CHODL: variants seen among roughly 807,000 people sequenced by gnomAD.
CHODL encodes transmembrane protein MT75.
CHODL carries 29 observed loss-of-function variants against 34.5 expected under a neutral mutation model. The ratio of observed to expected loss-of-function variants is 0.84; its 90% CI spans 0.63 to 1.15. The LOEUF (loss-of-function observed/expected upper bound fraction) is 1.15, where lower values mean the gene tolerates loss of function less well. CHODL is among the 50% of genes most tolerant of loss of function. CHODL has a pLI of 0.00. For synonymous variants in CHODL, 125 were observed against 116.1 expected, an observed-to-expected ratio of 1.08 and a Z score of -0.49; for missense variants, 332 against 332.5, an observed-to-expected ratio of 1.00 and a Z score of 0.01.
chr21:18,264,470 C>T (rs1176678897), intron 5 of CHODL, among the ~76,000 whole-genome samples: 1 of 151,680 alleles, frequency 6.6e-6, no homozygotes, highest in African/African-American at 2.4e-5. Flanking sequence ...GGCGTGGTGG[C>T]GGGCGCCGAT....
intron 1 of CHODL, among the ~76,000 whole-genome samples, chr21:18,025,069 G>A (rs1204397810): frequency 1.3e-5 from 2 of 152,074 alleles, no homozygotes; most frequent in African/African-American, 4.8e-5. Flanking sequence ...ACAGAAAAAA[G>A]TGATTCTCAG....
At chr21:18,036,544 G>C (rs952508356) in intron 2 of CHODL, among the ~76,000 whole-genome samples, 2 of 152,024 alleles carry the variant, frequency 1.3e-5, no homozygotes, top group Non-Finnish European at 2.9e-5. Flanking sequence ...CTGTGGCCTG[G>C]AAACTCTGCC....
At chr21:18,179,959 G>C (rs1372360875) in intron 2 of CHODL, among the ~76,000 whole-genome samples, 1 of 151,968 alleles carries the variant, frequency 6.6e-6, no homozygotes, top group Non-Finnish European at 1.5e-5. Flanking sequence ...TAAGGGTATG[G>C]GCTCTAGTGA....
At chr21:17,950,099 C>T (rs1349552727) in intron 1 of CHODL, among the ~76,000 whole-genome samples, 1 of 151,958 alleles carries the variant, frequency 6.6e-6, no homozygotes, top group Non-Finnish European at 1.5e-5. Context: ...CTGTCTTTGC[C>T]ACAATAATTT....
intron 1 of CHODL, among the ~76,000 whole-genome samples, chr21:17,935,578 A>T (rs2063312672): frequency 6.6e-6 from 1 of 152,234 alleles, no homozygotes; most frequent in Non-Finnish European, 1.5e-5. Context: ...TAAGTGACAA[A>T]TGTCAAGAAT....
At chr21:18,259,222 C>G (rs1290919363) in intron 3 of CHODL, among the ~76,000 whole-genome samples, 1 of 151,908 alleles carries the variant, frequency 6.6e-6, no homozygotes, top group Non-Finnish European at 1.5e-5. Context: ...ACTTTTGGAA[C>G]AAATGGAAAC....
intron 1 of CHODL, among the ~76,000 whole-genome samples, chr21:17,950,118 A>C (rs1329104231): frequency 6.6e-6 from 1 of 152,170 alleles, no homozygotes; most frequent in Non-Finnish European, 1.5e-5. Flanking sequence ...TTTAAACAAC[A>C]ATATTGAACT....
intron 1 of CHODL, among the ~76,000 whole-genome samples, chr21:17,941,168 G>A (rs903774677): frequency 1.3e-5 from 2 of 151,888 alleles, no homozygotes; most frequent in African/African-American, 2.4e-5. Flanking sequence ...GTAAAATATG[G>A]CCATGCCAAG....
intron 5 of CHODL, among the ~76,000 whole-genome samples, chr21:18,265,310 C>CATATATATAT (rs149734647): frequency 2.2e-4 from 33 of 147,210 alleles, no homozygotes; most frequent in African/African-American, 7.6e-4. Context: ...CACACACACA[C>CATATATATAT]ATATATATAT....
chr21:18,231,750 A>G lies in CHODL; in HGVS notation c.-44-24759A>G, dbSNP rs988967672. On this transcript the variant is annotated intron_variant, in intron 2 of 6. Coordinates refer to the CHODL transcript ENST00000400127. ...CCGTCTGTTTGCTCCTCAGGCCTTA[A>G]CCAAAGGGCCTGGTTAGGTGTTCTG... Among the ~76,000 whole-genome samples the G allele has an allele frequency of 2.6e-5, 4 of 151,266 alleles. No homozygotes were observed. In the South Asian group the frequency reaches 8.3e-4, roughly 32 times the overall value.
rs1201808895 is a variant in CHODL at position 18,266,666 on chromosome 21, A to C, written c.*628A>C. 6.5e-6 allele frequency: 1 copy of C among 153,308 alleles called. No homozygotes were observed. The highest frequency in any genetic ancestry group is 2.4e-5 in the African/African-American group (1 of 41,470). 9.5% of individuals were successfully genotyped at this position (153,308 alleles called of 1,614,324 possible). A position where few individuals can be genotyped will look rare whatever the true frequency, so the allele number is the denominator to read the frequency against. On this transcript the variant is annotated 3_prime_UTR_variant, in exon 6 of 6. Coordinates refer to ENST00000299295, the MANE Select transcript of CHODL (RefSeq NM_024944.3). ...TCTAGGAAATCTCTTCAGAAATAAGAAGCTATTTCATTAAGTGTGATATAA... is the reference window on the plus strand; with the variant it reads ...TCTAGGAAATCTCTTCAGAAATAAGCAGCTATTTCATTAAGTGTGATATAA...
rs2064483887 is a variant in CHODL at position 18,049,273 on chromosome 21, G to A, written c.-45+21302G>A. ...CTTATGGTGATCAAAATAGATAGAT[G>A]TTTGACAAATAATTGATAAACTTTT... On this transcript the variant is annotated intron_variant, in intron 2 of 6. Coordinates refer to the CHODL transcript ENST00000400127. Among the ~76,000 whole-genome samples the A allele has an allele frequency of 2.0e-5, 3 of 151,886 alleles. 1 individual carries two copies. Among genetic ancestry groups the A allele is most frequent in the South Asian group, 4.1e-4 (2 of 4,830 alleles).
intron 1 of CHODL, among the ~76,000 whole-genome samples, chr21:17,932,501 G>A (rs1057004856): frequency 6.6e-6 from 1 of 152,156 alleles, no homozygotes; most frequent in Non-Finnish European, 1.5e-5. Context: ...AAAGACACCT[G>A]CACTTGTATG....
chr21:18,230,151 C>T (rs898123208), intron 2 of CHODL, among the ~76,000 whole-genome samples: 3 of 152,094 alleles, frequency 2.0e-5, no homozygotes, highest in Admixed American at 6.6e-5. Context: ...AAAATGGTCT[C>T]GTTTCCTTTG....
chr21:18,081,809 T>C (rs1277059022), intron 2 of CHODL, among the ~76,000 whole-genome samples: 1 of 152,230 alleles, frequency 6.6e-6, no homozygotes, highest in Non-Finnish European at 1.5e-5. Flanking sequence ...ATTGCCTTTT[T>C]TACATTGAGA....
At chr21:18,033,901 A>G (rs1177804725) in intron 2 of CHODL, among the ~76,000 whole-genome samples, 2 of 152,082 alleles carry the variant, frequency 1.3e-5, no homozygotes, top group Admixed American at 6.6e-5. Flanking sequence ...AGTCTGTACT[A>G]TATTCTCACA....
chr21:18,172,983 C>T (rs945823816), intron 2 of CHODL, among the ~76,000 whole-genome samples: 11 of 152,130 alleles, frequency 7.2e-5, no homozygotes, highest in African/African-American at 9.7e-5. Flanking sequence ...CAGTTCCTTG[C>T]AGTTTTAGAT....
At chr21:18,006,692 T>C (rs1336655114) in intron 1 of CHODL, among the ~76,000 whole-genome samples, 1 of 152,272 alleles carries the variant, frequency 6.6e-6, no homozygotes. Flanking sequence ...CTAGACCATC[T>C]CACTAAGGGT....
chr21:17,917,585 G>T lies in CHODL; in HGVS notation c.-145+185G>T, dbSNP rs536375627. 8.1e-3 allele frequency among the ~76,000 whole-genome samples: 1,212 copies of T among 150,272 alleles called. 17 individuals are homozygous for T. The highest frequency in any genetic ancestry group is 0.028 in the African/African-American group (1,116 of 39,940). ...TGGAAGAGATTCATGCCCTACCCAA[G>T]GTGGGGCCATCTGTAGAGGGATGCA... On this transcript the variant is annotated intron_variant, in intron 1 of 6. Transcript: ENST00000400127.
Sources: allele counts gnomAD v4.1 joint callset (sites outside exome capture counted in the v4.1 genomes callset), GRCh38; gene constraint gnomAD v4.1.1; transcripts MANE v1.5; gene names NCBI Gene and HGNC (gene_info 2026-07-23, HGNC 2026-07-21).